NTNG1: variants seen among roughly 807,000 people sequenced by gnomAD.
The protein encoded by NTNG1 is netrin-G1.
A neutral mutation model predicts 54.0 loss-of-function variants in NTNG1; 16 were observed. That is an observed-to-expected ratio of 0.30 (90% CI 0.20 to 0.45). The LOEUF (loss-of-function observed/expected upper bound fraction) is 0.45. NTNG1 is among the 20% of genes least tolerant of loss of function. NTNG1 has a pLI of 1.00. For missense variants in NTNG1, 530 were observed against 678.7 expected (o/e 0.78, Z 2.43); for synonymous variants, 255 against 263.1 (o/e 0.97, Z 0.30).
At chr1:107,195,222 A>T (rs2101229818) in intron 2 of NTNG1, among the ~76,000 whole-genome samples, 1 of 152,086 alleles carries the variant, frequency 6.6e-6, no homozygotes, top group African/African-American at 2.4e-5. Context: ...TAAAATGAAG[A>T]TTAAATCCAC....
intron 5 of NTNG1, chr1:107,420,954 C>T (rs1280553660): frequency 3.0e-6 from 2 of 665,566 alleles, no homozygotes; most frequent in Admixed American, 4.8e-5. Context: ...AAACAAACTC[C>T]TAGAAACAAC....
intron 2 of NTNG1, among the ~76,000 whole-genome samples, chr1:107,185,206 T>C (rs1375988038): frequency 6.6e-6 from 1 of 152,192 alleles, no homozygotes. Context: ...TGTGACAAAA[T>C]GCCACAAATT....
chr1:107,429,131 G>A (rs941001854), intron 5 of NTNG1, among the ~76,000 whole-genome samples: 3 of 151,970 alleles, frequency 2.0e-5, no homozygotes, highest in Admixed American at 6.6e-5. Context: ...TTTGGCTTCA[G>A]CATCCCCCCT....
At chr1:107,222,603 G>A (rs1005849802) in intron 2 of NTNG1, among the ~76,000 whole-genome samples, 2 of 152,072 alleles carry the variant, frequency 1.3e-5, no homozygotes, top group Non-Finnish European at 2.9e-5. Context: ...CACACTACTG[G>A]GAGCATACTA....
Position 107,196,365 on chromosome 1 carries a change from A to T in NTNG1, c.246+47526A>T, listed in dbSNP as rs1658328519. On this transcript the variant is annotated intron_variant, in intron 2 of 7. Coordinates refer to ENST00000370068, the MANE Select transcript of NTNG1 (RefSeq NM_001113226.3). Reference sequence around the variant, plus strand: ...GTTATAATTAACATCTCACCTTACTATATGGAATAAATAATATAATGTATA... The same window carrying T: ...GTTATAATTAACATCTCACCTTACTTTATGGAATAAATAATATAATGTATA... Among the ~76,000 whole-genome samples the T allele has an allele frequency of 2.6e-5, 4 of 152,042 alleles. No individual in the cohort carries two copies. The South Asian group carries it at 8.3e-4, about 31-fold the overall frequency.
chr1:107,141,363 G>T (rs1173629196), intron 1 of NTNG1: 3 of 149,722 alleles, frequency 2.0e-5, no homozygotes, highest in Non-Finnish European at 4.5e-5. Context: ...CCGCTGCTGC[G>T]GCCGCCGCCC....
chr1:107,377,210 A>G (rs1671340861), intron 3 of NTNG1, among the ~76,000 whole-genome samples: 1 of 152,170 alleles, frequency 6.6e-6, no homozygotes, highest in African/African-American at 2.4e-5. Context: ...TACTAAACTG[A>G]GAGTAAGTGA....
chr1:107,405,698 T>A (rs763020688), intron 4 of NTNG1, among the ~76,000 whole-genome samples: 2 of 152,140 alleles, frequency 1.3e-5, no homozygotes, highest in Non-Finnish European at 2.9e-5. Flanking sequence ...TGTAAAGACA[T>A]GAAAAGTCTC....
At chr1:107,209,814 A>C (rs1460017505) in intron 2 of NTNG1, among the ~76,000 whole-genome samples, 1 of 152,120 alleles carries the variant, frequency 6.6e-6, no homozygotes, top group Non-Finnish European at 1.5e-5. Flanking sequence ...CCACAAAGAG[A>C]CCTGGCAACA....
intron 7 of NTNG1, among the ~76,000 whole-genome samples, chr1:107,447,032 T>C (rs913548042): frequency 5.3e-5 from 8 of 152,110 alleles, no homozygotes; most frequent in African/African-American, 1.9e-4. Flanking sequence ...AACAATATTC[T>C]TTCCCTTATT....
intron 5 of NTNG1, chr1:107,407,973 T>C: frequency 3.0e-6 from 2 of 670,418 alleles, no homozygotes; most frequent in African/African-American, 1.8e-5. Context: ...TAGACTCAGG[T>C]GCAATTCCTT....
chr1:107,142,130 G>C (rs1194119569), intron 1 of NTNG1, among the ~76,000 whole-genome samples: 3 of 152,000 alleles, frequency 2.0e-5, no homozygotes. Flanking sequence ...TGATGGATTC[G>C]GCTAGGGACA....
At chr1:107,311,323 T>A (rs1453607606) in intron 2 of NTNG1, among the ~76,000 whole-genome samples, 1 of 152,098 alleles carries the variant, frequency 6.6e-6, no homozygotes, top group Non-Finnish European at 1.5e-5. Flanking sequence ...AAGATAGGAT[T>A]AGGGAAAGAG....
chr1:107,171,274 T>TA lies in NTNG1; in HGVS notation c.246+22435_246+22436insA, dbSNP rs1262995639. 2.0e-5 allele frequency among the ~76,000 whole-genome samples: 3 copies of TA among 152,088 alleles called. No homozygotes were observed. In the East Asian group the frequency reaches 5.8e-4, roughly 29 times the overall value. ...TTTTTCACCCCCAAAAAAGTTTTCA[T>TA]TTTTTCTCATTGTATGTGTGTGTGT... On this transcript the variant is annotated intron_variant, in intron 2 of 7. Coordinates refer to ENST00000370068, the MANE Select transcript of NTNG1 (RefSeq NM_001113226.3).
intron 2 of NTNG1, among the ~76,000 whole-genome samples, chr1:107,277,186 T>C (rs1461444747): frequency 6.6e-6 from 1 of 152,202 alleles, no homozygotes; most frequent in Non-Finnish European, 1.5e-5. Flanking sequence ...GTGGCTGCGT[T>C]AATATCCTTG....
At chr1:107,265,653 C>A (rs1025582602) in intron 2 of NTNG1, among the ~76,000 whole-genome samples, 5 of 152,182 alleles carry the variant, frequency 3.3e-5, no homozygotes, top group Middle Eastern at 3.2e-3. Context: ...GGCTCTAAAT[C>A]AGCTTTCTGT....
chr1:107,247,020 C>T (rs142508108), intron 2 of NTNG1, among the ~76,000 whole-genome samples: 4 of 152,226 alleles, frequency 2.6e-5, no homozygotes, highest in East Asian at 1.9e-4. Flanking sequence ...CCAGCGGATT[C>T]GGAGATGAGG....
intron 3 of NTNG1, among the ~76,000 whole-genome samples, chr1:107,351,558 T>C (rs1166511557): frequency 6.6e-6 from 1 of 152,206 alleles, no homozygotes; most frequent in Non-Finnish European, 1.5e-5. Context: ...TCTGCCCCCA[T>C]GATCCAATCA....
chr1:107,183,164 T>C (rs1300550206), intron 2 of NTNG1, among the ~76,000 whole-genome samples: 1 of 152,196 alleles, frequency 6.6e-6, no homozygotes, highest in Non-Finnish European at 1.5e-5. Context: ...TCCTTGTTCA[T>C]GGGGCACCCC....
Sources: allele counts gnomAD v4.1 joint callset (sites outside exome capture counted in the v4.1 genomes callset), GRCh38; gene constraint gnomAD v4.1.1; transcripts MANE v1.5; gene names NCBI Gene and HGNC (gene_info 2026-07-23, HGNC 2026-07-21).